MCOLN2: variants seen among roughly 807,000 people sequenced by gnomAD.
The protein encoded by MCOLN2 is mucolipin-2.
In MCOLN2, 57 loss-of-function variants were observed where a neutral mutation model predicts 67.5. The observed-to-expected ratio is 0.84, with a 90% CI of 0.68 to 1.05. The LOEUF is 1.05. Among genes scored for constraint, MCOLN2 ranks in the 50% least tolerant of loss-of-function variants. The probability of loss-of-function intolerance (pLI) is 0.00; values close to 1 mark genes in which losing one functional copy is unlikely to be tolerated. For missense variants in MCOLN2, 620 were observed against 678.8 expected (o/e 0.91, Z 0.96); for synonymous variants, 246 against 233.3 (o/e 1.05, Z -0.50).
chr1:84,973,976 C>T (rs553677155), intron 1 of MCOLN2, among the ~76,000 whole-genome samples: 33 of 152,314 alleles, frequency 2.2e-4, no homozygotes, highest in African/African-American at 7.9e-4. Flanking sequence ...CAGAGTGCCT[C>T]TGCATGCTGT....
chr1:84,947,083 T>A lies in MCOLN2; in HGVS notation c.797A>T (p.Asp266Val). Residue 266 changes from aspartate to valine, a missense_variant, in exon 7 of 14, where the codon GAC becomes GTC. Coordinates refer to ENST00000370608, the MANE Select transcript of MCOLN2 (RefSeq NM_153259.4). The part of the protein sequence containing the change: ...AHSGKIKIYF[D>V]SDAKIEECKD... ...ACATTCTTCAATTTTGGCATCACTG[T>A]CAAAATAGATTTTGATTTTGCCACT... The A allele has an allele frequency of 6.2e-7, 1 of 1,604,350 alleles. No individual in the cohort carries two copies. Among genetic ancestry groups the A allele is most frequent in the Non-Finnish European group, 8.5e-7 (1 of 1,171,492 alleles).
intron 13 of MCOLN2, among the ~76,000 whole-genome samples, chr1:84,928,397 C>G (rs759282921): frequency 1.3e-5 from 2 of 152,152 alleles, no homozygotes; most frequent in Admixed American, 6.5e-5. Context: ...GTCTTGGGGT[C>G]CACGCCTTAA....
intron 1 of MCOLN2, among the ~76,000 whole-genome samples, chr1:84,972,815 G>A (rs1649763112): frequency 1.3e-5 from 2 of 152,144 alleles, no homozygotes; most frequent in Non-Finnish European, 2.9e-5. Context: ...TAACCTTATT[G>A]GGGTTATAAA....
At chr1:84,984,057 T>C (rs906510067) in intron 1 of MCOLN2, among the ~76,000 whole-genome samples, 4 of 152,240 alleles carry the variant, frequency 2.6e-5, no homozygotes, top group African/African-American at 4.8e-5. Flanking sequence ...TTGGAAAATA[T>C]GGATTTAGCT....
rs961941619 is a variant in MCOLN2 at position 84,968,299 on chromosome 1, G to A, written c.78-2591C>T. Among the ~76,000 whole-genome samples the A allele has an allele frequency of 5.3e-5, 8 of 152,138 alleles. No homozygotes were observed. The East Asian group carries it at 1.5e-3, about 29-fold the overall frequency. On this transcript the variant is annotated intron_variant, in intron 1 of 13. Coordinates refer to ENST00000370608, the MANE Select transcript of MCOLN2 (RefSeq NM_153259.4). Reference sequence around the variant, plus strand: ...TGAGCCTTACACCTGGGTGAGCCAGGGAACTTCAAACTGTGGGCCTGCTTG... The same window carrying A: ...TGAGCCTTACACCTGGGTGAGCCAGAGAACTTCAAACTGTGGGCCTGCTTG...
At chr1:84,944,538 A>G (rs1647983186) in intron 7 of MCOLN2, among the ~76,000 whole-genome samples, 1 of 140,104 alleles carries the variant, frequency 7.1e-6, no homozygotes, top group Non-Finnish European at 1.5e-5. Flanking sequence ...TCTCAAAAAG[A>G]AAGAAAGAAA....
At chr1:84,940,409 A>G (rs901751471) in intron 8 of MCOLN2, among the ~76,000 whole-genome samples, 10 of 152,184 alleles carry the variant, frequency 6.6e-5, no homozygotes, top group African/African-American at 2.4e-4. Context: ...AAAAAGGCAA[A>G]ATGAAACTCA....
intron 1 of MCOLN2, among the ~76,000 whole-genome samples, chr1:84,970,277 A>C (rs965063201): frequency 7.0e-6 from 1 of 142,362 alleles, no homozygotes; most frequent in Non-Finnish European, 1.5e-5. Flanking sequence ...ACCCCCCAAC[A>C]CACACACACA....
intron 8 of MCOLN2, 122 bp from the exon 9 acceptor site, chr1:84,939,824 G>A: frequency 1.0e-6 from 1 of 956,092 alleles, no homozygotes; most frequent in South Asian, 1.5e-5. Context: ...CAATTTGCCA[G>A]ATCCACCTCG....
At chr1:84,987,113 A>G (rs541260935) in intron 1 of MCOLN2, among the ~76,000 whole-genome samples, 7 of 152,020 alleles carry the variant, frequency 4.6e-5, no homozygotes, top group South Asian at 2.1e-4. Context: ...CTGCAAAAAT[A>G]TAAAACCAGC....
At chr1:84,969,635 G>A (rs1428626984) in intron 1 of MCOLN2, among the ~76,000 whole-genome samples, 1 of 151,586 alleles carries the variant, frequency 6.6e-6, no homozygotes, top group Non-Finnish European at 1.5e-5. Flanking sequence ...AAAAGAATGT[G>A]AAGGCCTTAA....
At chr1:84,964,993 C>T (rs1283100113) in intron 2 of MCOLN2, among the ~76,000 whole-genome samples, 2 of 152,170 alleles carry the variant, frequency 1.3e-5, no homozygotes, top group Non-Finnish European at 2.9e-5. Flanking sequence ...AGAAGCCTCC[C>T]CAATACTGGT....
chr1:84,938,574 T>G lies in MCOLN2; in HGVS notation c.1111-492A>C, dbSNP rs181629742. ...CATGATTCTCATATAATACGCTAAA[T>G]GCAGTGAAAGACACAATGCCTAGCT... On this transcript the variant is annotated intron_variant, in intron 9 of 13. Transcript: ENST00000370608. Among the ~76,000 whole-genome samples, 7 of 152,296 alleles carry G rather than the reference T, an allele frequency of 4.6e-5. No homozygotes were observed. In the East Asian group the frequency reaches 1.4e-3, roughly 29 times the overall value.
At position 84,931,396 on chromosome 1, in the gene MCOLN2, AT is replaced by A. The variant is rs775726903; in HGVS notation, c.1507del (p.Ile503LeufsTer28). 1 of 1,595,384 alleles carries A rather than the reference AT, an allele frequency of 6.3e-7. No homozygotes were observed. The highest frequency in any genetic ancestry group is 1.1e-5 in the South Asian group (1 of 90,530). On this transcript the variant is annotated frameshift_variant, in exon 12 of 14. Transcript: ENST00000370608. LOFTEE classifies it high-confidence loss of function. ...GTCATAAGAATCTGTAATAAGTGCA[AT>A]AAAAAGACTGAGAATCATATATATA... ...LFIYMILSLF[I>X]ALITDSYDTI...
At chr1:84,978,731 G>A (rs1227798885) in intron 1 of MCOLN2, among the ~76,000 whole-genome samples, 3 of 152,070 alleles carry the variant, frequency 2.0e-5, no homozygotes, top group Non-Finnish European at 4.4e-5. Flanking sequence ...AAAAGCCCAG[G>A]ACCTGATGGT....
chr1:84,929,474 T>G, intron 13 of MCOLN2, 84 bp downstream of exon 13: 1 of 1,409,078 alleles, frequency 7.1e-7, no homozygotes, highest in Non-Finnish European at 9.5e-7. Context: ...GGTCTCTGAA[T>G]GTAATGGTAA....
At chr1:84,952,152 C>A in intron 6 of MCOLN2, 91 bp downstream of exon 6, 1 of 780,254 alleles carries the variant, frequency 1.3e-6, no homozygotes, top group South Asian at 1.7e-5. Context: ...GCATTTAACA[C>A]ATCTGTAGGC....
At chr1:84,949,004 C>T (rs1648271477) in intron 6 of MCOLN2, among the ~76,000 whole-genome samples, 1 of 152,100 alleles carries the variant, frequency 6.6e-6, no homozygotes, top group African/African-American at 2.4e-5. Context: ...GTGGCAGGTG[C>T]CTGCAATCCC....
In MCOLN2 at chr1:84,958,673, C is replaced by G; in HGVS notation, c.267G>C (p.Leu89=). The change falls in exon 3 of 14, where the codon CTG becomes CTC. Residue 89 remains leucine, a synonymous_variant. Transcript: ENST00000370608. ...QLVRFGLSNQ[L]VVAFKEDNTV... is the part of the protein sequence containing the mutation. ...TGTTATCTTCTTTGAAAGCAACCAC[C>G]AGCTGGTTACTTAAACCAAAACGAA... 1 of 1,586,422 alleles carries G rather than the reference C, an allele frequency of 6.3e-7. No individual in the cohort carries two copies.
Sources: allele counts gnomAD v4.1 joint callset (sites outside exome capture counted in the v4.1 genomes callset), GRCh38; gene constraint gnomAD v4.1.1; transcripts MANE v1.5; gene names NCBI Gene and HGNC (gene_info 2026-07-23, HGNC 2026-07-21).